RIN2: variants seen among roughly 807,000 people sequenced by gnomAD.
The protein encoded by RIN2 is Ras and Rab interactor 2.
Under a neutral mutation model 78.0 loss-of-function variants are expected in RIN2, and 36 were observed. The observed-to-expected ratio is 0.46, with a 90% CI of 0.35 to 0.61. RIN2 has a LOEUF of 0.61. RIN2 is among the 20% of genes least tolerant of loss of function. RIN2 has a pLI of 0.00. For missense variants in RIN2, 1,087 were observed against 1,159.7 expected, an observed-to-expected ratio of 0.94 and a Z score of 0.91; for synonymous variants, 466 against 466.8, an observed-to-expected ratio of 1.00 and a Z score of 0.02.
intron 9 of RIN2, among the ~76,000 whole-genome samples, chr20:19,983,217 A>G (rs2042515188): frequency 6.6e-6 from 1 of 152,232 alleles, no homozygotes; most frequent in Non-Finnish European, 1.5e-5. Context: ...AAAGGAGAAT[A>G]TGTTAGCACA....
intron 6 of RIN2, among the ~76,000 whole-genome samples, chr20:19,963,287 G>A (rs2041825547): frequency 6.6e-6 from 1 of 152,032 alleles, no homozygotes; most frequent in Admixed American, 6.5e-5. Flanking sequence ...GATGTTTTTT[G>A]GGGGTGCTAC....
At chr20:19,879,490 C>G (rs1257956085) in intron 2 of RIN2, among the ~76,000 whole-genome samples, 1 of 152,114 alleles carries the variant, frequency 6.6e-6, no homozygotes, top group Non-Finnish European at 1.5e-5. Flanking sequence ...ACATGGAATC[C>G]GTGGGCTTAC....
rs188781678 is a variant in RIN2, at chr20:19,893,784, T to C, written c.57+4126T>C. Among the ~76,000 whole-genome samples, 10 of 152,264 alleles carry C rather than the reference T, an allele frequency of 6.6e-5. No homozygotes were observed. The East Asian group carries it at 1.9e-3, about 29-fold the overall frequency. ...GTATCTTCCTGCTCCACAAAACATA[T>C]GGCAGAGCCGGGCGCCATGGCTCAC... On this transcript the variant is annotated intron_variant, in intron 3 of 12. Transcript: ENST00000255006.
chr20:19,824,715 G>A (rs2036032341), intron 2 of RIN2, among the ~76,000 whole-genome samples: 5 of 152,192 alleles, frequency 3.3e-5, no homozygotes, highest in Admixed American at 3.3e-4. Flanking sequence ...CTGGCTGGCA[G>A]GGACACAACA....
chr20:19,865,481 T>G (rs2037474714), intron 2 of RIN2, among the ~76,000 whole-genome samples: 1 of 134,916 alleles, frequency 7.4e-6, no homozygotes. Context: ...AAAGTTATAC[T>G]TTCTTTCTTT....
chr20:19,818,057 A>G lies in RIN2; in HGVS notation c.-37+18310A>G, dbSNP rs376444452. On this transcript the variant is annotated intron_variant, in intron 2 of 12. Coordinates refer to ENST00000255006, the MANE Select transcript of RIN2 (RefSeq NM_018993.4). ...GTAGAGCCCACTACACAGGTAGGCT[A>G]TATGGTATAGTCTCTTGCTTCTGAG... Among the ~76,000 whole-genome samples the G allele has an allele frequency of 4.6e-5, 7 of 152,304 alleles. No individual in the cohort carries two copies. The East Asian group carries it at 1.2e-3, about 25-fold the overall frequency.
At chr20:19,825,923 A>G (rs977434455) in intron 2 of RIN2, among the ~76,000 whole-genome samples, 1 of 152,220 alleles carries the variant, frequency 6.6e-6, no homozygotes, top group Non-Finnish European at 1.5e-5. Context: ...TTTCCAAAGC[A>G]TGTTACAACA....
intron 2 of RIN2, among the ~76,000 whole-genome samples, chr20:19,820,769 G>A (rs372176452): frequency 1.3e-5 from 2 of 152,140 alleles, no homozygotes; most frequent in East Asian, 1.9e-4. Context: ...TTTCTGATGC[G>A]ATAGGTCTGG....
intron 2 of RIN2, among the ~76,000 whole-genome samples, chr20:19,815,890 C>T (rs1200700756): frequency 6.6e-6 from 1 of 152,148 alleles, no homozygotes; most frequent in Admixed American, 6.6e-5. Context: ...AGAAAGCTTC[C>T]CTTTAGGGGT....
rs1048198994 is a variant in RIN2 at position 19,988,986 on chromosome 20, C to A, written c.1763-1020C>A. 6.6e-4 allele frequency among the ~76,000 whole-genome samples: 100 copies of A among 151,256 alleles called. 1 individual carries two copies. Among genetic ancestry groups the A allele is most frequent in the Admixed American group, 6.3e-3 (96 of 15,252 alleles). ...ACACAAATACGTGCACACACACTGTCTCTCATTTTTTCTGAACCATTTAAG... is the reference window on the plus strand; with the variant it reads ...ACACAAATACGTGCACACACACTGTATCTCATTTTTTCTGAACCATTTAAG... On this transcript the variant is annotated intron_variant, in intron 9 of 12. Transcript: ENST00000255006.
intron 2 of RIN2, among the ~76,000 whole-genome samples, chr20:19,835,881 T>C (rs576605579): frequency 3.3e-5 from 5 of 151,986 alleles, no homozygotes; most frequent in Non-Finnish European, 7.4e-5. Flanking sequence ...AAGGAGAGAG[T>C]GCATCTTGCT....
chr20:19,908,913 G>A (rs56116905), intron 3 of RIN2, among the ~76,000 whole-genome samples: 266 of 152,314 alleles, frequency 1.7e-3, no homozygotes, highest in African/African-American at 6.1e-3. Context: ...TGCCCAGGCT[G>A]GAGTGCAATG....
At chr20:19,945,762 G>A (rs1447191004) in intron 4 of RIN2, among the ~76,000 whole-genome samples, 1 of 152,084 alleles carries the variant, frequency 6.6e-6, no homozygotes, top group Non-Finnish European at 1.5e-5. Context: ...CTCCTTGCTA[G>A]TTGACTTGAG....
chr20:19,912,438 T>A (rs1031838336), intron 3 of RIN2, among the ~76,000 whole-genome samples: 2 of 151,952 alleles, frequency 1.3e-5, no homozygotes, highest in African/African-American at 4.8e-5. Flanking sequence ...CCTGCATCCA[T>A]TGCTGGGATG....
At chr20:19,927,427 T>C (rs963883967) in intron 3 of RIN2, among the ~76,000 whole-genome samples, 3 of 151,922 alleles carry the variant, frequency 2.0e-5, no homozygotes, top group Non-Finnish European at 2.9e-5. Context: ...TTTTTTTTTC[T>C]TTTTGGAGAT....
At chr20:19,790,338 T>C (rs1356404610) in intron 1 of RIN2, among the ~76,000 whole-genome samples, 3 of 152,218 alleles carry the variant, frequency 2.0e-5, no homozygotes, top group African/African-American at 7.2e-5. Flanking sequence ...ATCTCTAGCC[T>C]TATTAATTAG....
intron 2 of RIN2, among the ~76,000 whole-genome samples, chr20:19,841,918 C>A (rs1404019999): frequency 6.6e-6 from 1 of 152,256 alleles, no homozygotes; most frequent in South Asian, 2.1e-4. Context: ...CAACTCACTA[C>A]ACTAAACAAC....
At chr20:19,908,487 T>A (rs1374882071) in intron 3 of RIN2, among the ~76,000 whole-genome samples, 2 of 133,284 alleles carry the variant, frequency 1.5e-5, no homozygotes, top group Non-Finnish European at 3.1e-5. Flanking sequence ...CGAGACTCCG[T>A]CTCAAAAAAA....
At chr20:19,766,760 C>G (rs958707670) in intron 1 of RIN2, among the ~76,000 whole-genome samples, 1 of 151,802 alleles carries the variant, frequency 6.6e-6, no homozygotes, top group Non-Finnish European at 1.5e-5. Context: ...ATCTCTACTA[C>G]AAATGCAAAA....
Sources: allele counts gnomAD v4.1 joint callset (sites outside exome capture counted in the v4.1 genomes callset), GRCh38; gene constraint gnomAD v4.1.1; transcripts MANE v1.5; gene names NCBI Gene and HGNC (gene_info 2026-07-23, HGNC 2026-07-21).